Variants in MCUB observed in about 807,000 individuals in gnomAD.
MCUB encodes mitochondrial calcium uniporter dominant negative subunit beta.
A neutral mutation model predicts 41.4 loss-of-function variants in MCUB; 46 were observed. That is an observed-to-expected ratio of 1.11 (90% CI 0.88 to 1.42). MCUB has a LOEUF of 1.42. Among genes scored for constraint, MCUB ranks in the 40% most tolerant of loss-of-function variants. MCUB has a pLI of 0.00. For missense variants in MCUB, 403 were observed against 404.9 expected (o/e 1.00, Z 0.04); for synonymous variants, 148 against 148.2 (o/e 1.00, Z 0.01).
At chr4:109,577,691 G>A (rs1727065099) in intron 1 of MCUB, among the ~76,000 whole-genome samples, 1 of 30,584 alleles carries the variant, frequency 3.3e-5, no homozygotes, top group Non-Finnish European at 7.4e-5. Flanking sequence ...CTCACTGCAG[G>A]CTCCGCCCCC....
chr4:109,598,180 T>A (rs1391200724), intron 1 of MCUB, among the ~76,000 whole-genome samples: 1 of 148,520 alleles, frequency 6.7e-6, no homozygotes, highest in African/African-American at 2.5e-5. Context: ...GCTCCTCACT[T>A]CCCAGACGGG....
chr4:109,681,427 T>C (rs1205951587), intron 4 of MCUB: 2 of 451,882 alleles, frequency 4.4e-6, no homozygotes, highest in Admixed American at 2.4e-5. Flanking sequence ...CTTTGTTCTT[T>C]CTGGTAGAGA....
At chr4:109,640,435 G>A (rs1235808928) in intron 1 of MCUB, among the ~76,000 whole-genome samples, 1 of 152,216 alleles carries the variant, frequency 6.6e-6, no homozygotes. Context: ...TCCAATGCAA[G>A]GCAGTATTGG....
intron 1 of MCUB, among the ~76,000 whole-genome samples, chr4:109,583,891 C>G (rs1324664475): frequency 6.6e-6 from 1 of 152,124 alleles, no homozygotes; most frequent in African/African-American, 2.4e-5. Flanking sequence ...GTTGAACCAG[C>G]CTTGCATCCC....
rs537636174 is a variant in MCUB at position 109,684,298 on chromosome 4, G to A, written c.613-145G>A. On this transcript the variant is annotated intron_variant, in intron 5 of 7. Transcript: ENST00000394650. Reference sequence around the variant, plus strand: ...AGGATGGTCTCGATCTCCTGACCTCGTGATCCGCCCACCTCGGCCTCCCAG... The same window carrying A: ...AGGATGGTCTCGATCTCCTGACCTCATGATCCGCCCACCTCGGCCTCCCAG... 1.4e-3 allele frequency: 822 copies of A among 566,950 alleles called. 14 individuals are homozygous for A. The East Asian group carries it at 0.025, about 17-fold the overall frequency. 35.1% of individuals were successfully genotyped at this position (566,950 alleles called of 1,614,324 possible).
chr4:109,656,343 T>G (rs1729098434), intron 1 of MCUB, among the ~76,000 whole-genome samples: 1 of 144,292 alleles, frequency 6.9e-6, no homozygotes, highest in South Asian at 2.2e-4. Flanking sequence ...GGCTCTAACT[T>G]TTACTCTCTA....
chr4:109,649,348 T>G (rs1728909561), intron 1 of MCUB, among the ~76,000 whole-genome samples: 1 of 152,234 alleles, frequency 6.6e-6, no homozygotes. Context: ...GGTTTGGAAG[T>G]ACACACTTTT....
intron 1 of MCUB, among the ~76,000 whole-genome samples, chr4:109,581,260 T>C (rs990441249): frequency 1.2e-4 from 18 of 152,114 alleles, no homozygotes; most frequent in African/African-American, 4.1e-4. Context: ...TTGACAAACC[T>C]GACAAAAACA....
At chr4:109,564,237 A>G (rs1726718489) in intron 1 of MCUB, among the ~76,000 whole-genome samples, 1 of 151,804 alleles carries the variant, frequency 6.6e-6, no homozygotes, top group South Asian at 2.1e-4. Context: ...GGTTCAAACG[A>G]TTCCCCTGCC....
At chr4:109,661,159 CACTT>C (rs1218414220) in intron 3 of MCUB, among the ~76,000 whole-genome samples, 1 of 152,114 alleles carries the variant, frequency 6.6e-6, no homozygotes, top group Non-Finnish European at 1.5e-5. Flanking sequence ...AGTATGTCAT[CACTT>C]AGACATTTAA....
In MCUB at chr4:109,619,030, G is replaced by GCCTACCTA. The variant is rs762220634; in HGVS notation, c.100-39940_100-39933dup. Among the ~76,000 whole-genome samples the GCCTACCTA allele has an allele frequency of 6.8e-3, 812 of 118,790 alleles. 18 individuals are homozygous for GCCTACCTA. The highest frequency in any genetic ancestry group is 0.034 in the Admixed American group (410 of 11,986). 77.9% of individuals were successfully genotyped at this position (118,790 alleles called of 152,430 possible). On this transcript the variant is annotated intron_variant, in intron 1 of 7. Transcript: ENST00000394650. Reference sequence around the variant, plus strand: ...TACCTACCTACCTATCTACCTGCCTGCCTACCTACCTACCTACCTACCTAC... The same window carrying GCCTACCTA: ...TACCTACCTACCTATCTACCTGCCTGCCTACCTACCTACCTACCTACCTACCTACCTAC...
At chr4:109,636,171 A>G (rs989020237) in intron 1 of MCUB, among the ~76,000 whole-genome samples, 2 of 152,172 alleles carry the variant, frequency 1.3e-5, no homozygotes, top group African/African-American at 4.8e-5. Context: ...TAGTACAGAC[A>G]TGGTTTTGGG....
intron 1 of MCUB, among the ~76,000 whole-genome samples, chr4:109,655,431 G>A (rs189830163): frequency 6.6e-6 from 1 of 152,232 alleles, no homozygotes; most frequent in African/African-American, 2.4e-5. Context: ...GGGAAGATGG[G>A]ACTGAACATT....
chr4:109,576,518 CTTTTT>C (rs34834019), intron 1 of MCUB, among the ~76,000 whole-genome samples: 2 of 131,716 alleles, frequency 1.5e-5, no homozygotes, highest in East Asian at 2.2e-4. Context: ...TAACATTTGC[CTTTTT>C]TTTTTTTTTT....
In MCUB at chr4:109,597,184, T is replaced by TC. The variant is rs1259279507; in HGVS notation, c.99+36754dup. On this transcript the variant is annotated intron_variant, in intron 1 of 7. Coordinates refer to ENST00000394650, the MANE Select transcript of MCUB (RefSeq NM_017918.5). ...GATTTCTCAATCTTTTCCCCACCTTTCCCCCCTTTCTATTCCACAAAGCTG... is the reference window on the plus strand; with the variant it reads ...GATTTCTCAATCTTTTCCCCACCTTTCCCCCCCTTTCTATTCCACAAAGCTG... Among the ~76,000 whole-genome samples, 3 of 151,960 alleles carry TC rather than the reference T, an allele frequency of 2.0e-5. No individual in the cohort carries two copies. The East Asian group carries it at 5.8e-4, about 29-fold the overall frequency.
At chr4:109,663,097 T>C (rs1283578284) in intron 3 of MCUB, among the ~76,000 whole-genome samples, 2 of 152,224 alleles carry the variant, frequency 1.3e-5, no homozygotes, top group African/African-American at 2.4e-5. Flanking sequence ...TTCGGGATGT[T>C]ACTAGTGTTA....
intron 1 of MCUB, among the ~76,000 whole-genome samples, chr4:109,639,559 G>T (rs938568112): frequency 6.6e-6 from 1 of 152,066 alleles, no homozygotes; most frequent in Non-Finnish European, 1.5e-5. Context: ...ATGATGGCAG[G>T]TGCCTGTAAT....
chr4:109,679,922 C>T (rs1729679086), intron 4 of MCUB, among the ~76,000 whole-genome samples: 1 of 152,130 alleles, frequency 6.6e-6, no homozygotes, highest in Non-Finnish European at 1.5e-5. Context: ...CTGCCTCAGC[C>T]TCCTGAGTAG....
chr4:109,598,170 G>A (rs1257966353), intron 1 of MCUB, among the ~76,000 whole-genome samples: 1 of 148,488 alleles, frequency 6.7e-6, no homozygotes, highest in Non-Finnish European at 1.5e-5. Flanking sequence ...AGGCAGAGAC[G>A]CTCCTCACTT....
Sources: allele counts gnomAD v4.1 joint callset (sites outside exome capture counted in the v4.1 genomes callset), GRCh38; gene constraint gnomAD v4.1.1; transcripts MANE v1.5; gene names NCBI Gene and HGNC (gene_info 2026-07-23, HGNC 2026-07-21).